The following CSMD1 variants were observed in gnomAD, a reference collection of about 807,000 sequenced individuals.
The protein encoded by CSMD1 is CUB and sushi domain-containing protein 1.
A neutral mutation model predicts 417.5 loss-of-function variants in CSMD1; 213 were observed. The observed-to-expected ratio is 0.51, with a 90% CI of 0.46 to 0.57. CSMD1 has a LOEUF of 0.57. Ranked by LOEUF, CSMD1 falls within the 20% of genes least tolerant of loss-of-function variation. CSMD1 has a pLI of 0.00. For synonymous variants in CSMD1, 2,862 were observed against 1,736.8 expected (o/e 1.65, Z -16.11); for missense variants, 6,923 against 4,529.7 (o/e 1.53, Z -15.17).
chr8:3,999,881 C>A lies in CSMD1; in HGVS notation c.611-1771G>T, dbSNP rs569566296. On this transcript the variant is annotated intron_variant, in intron 4 of 69. Coordinates refer to ENST00000635120, the MANE Select transcript of CSMD1 (RefSeq NM_033225.6). ...GCACGTGACGTTGTGGAAAGGGCTG[C>A]CCATGTTTTGTAGGACATCTCAGGA... Among the ~76,000 whole-genome samples, 26 of 152,224 alleles carry A rather than the reference C, an allele frequency of 1.7e-4. No individual in the cohort carries two copies. The South Asian group carries it at 4.6e-3, about 27-fold the overall frequency.
Position 4,122,142 on chromosome 8 carries a change from T to C in CSMD1, c.416-90043A>G, listed in dbSNP as rs75954642. Among the ~76,000 whole-genome samples, 251 of 152,256 alleles carry C rather than the reference T, an allele frequency of 1.6e-3. 2 individuals carry two copies. Among genetic ancestry groups the C allele is most frequent in the Non-Finnish European group, 8.2e-4 (56 of 68,018 alleles). On this transcript the variant is annotated intron_variant, in intron 3 of 69. Coordinates refer to ENST00000635120, the MANE Select transcript of CSMD1 (RefSeq NM_033225.6). ...TATCAGAGATACTTACTACATAATG[T>C]CGCTAAGTTATTTTCCTGACAGACT...
intron 1 of CSMD1, among the ~76,000 whole-genome samples, chr8:4,898,586 A>C (rs1299433999): frequency 2.6e-5 from 4 of 152,138 alleles, no homozygotes; most frequent in African/African-American, 9.7e-5. Flanking sequence ...ATCATATCCT[A>C]GTTCTTTGAA....
At chr8:3,499,106 A>ATTTCTCCT (rs1462828475) in intron 10 of CSMD1, among the ~76,000 whole-genome samples, 1 of 152,228 alleles carries the variant, frequency 6.6e-6, no homozygotes, top group African/African-American at 2.4e-5. Flanking sequence ...TACATCTGAC[A>ATTTCTCCT]AAACAATTTC....
At chr8:4,146,853 G>GC (rs1804167252) in intron 3 of CSMD1, among the ~76,000 whole-genome samples, 1 of 148,374 alleles carries the variant, frequency 6.7e-6, no homozygotes, top group Non-Finnish European at 1.5e-5. Context: ...CTCGTGATCC[G>GC]CCCGCCTCAG....
chr8:4,022,960 G>A (rs539760354), intron 4 of CSMD1, among the ~76,000 whole-genome samples: 1 of 152,200 alleles, frequency 6.6e-6, no homozygotes, highest in African/African-American at 2.4e-5. Context: ...TTCAAAATTT[G>A]AGGGCAAATA....
rs550270421 is a variant in CSMD1 at position 3,963,783 on chromosome 8, A to C, written c.818+34120T>G. Among the ~76,000 whole-genome samples, 7 of 152,334 alleles carry C rather than the reference A, an allele frequency of 4.6e-5. No homozygotes were observed. In the South Asian group the frequency reaches 1.2e-3, roughly 27 times the overall value. On this transcript the variant is annotated intron_variant, in intron 5 of 69. Coordinates refer to ENST00000635120, the MANE Select transcript of CSMD1 (RefSeq NM_033225.6). ...TAGTATAGTATATGTATAGCAACCT[A>C]AGTCAGACAGAAACTTAATATTTTG...
intron 1 of CSMD1, among the ~76,000 whole-genome samples, chr8:4,752,824 G>A (rs1811418860): frequency 6.6e-6 from 1 of 152,092 alleles, no homozygotes; most frequent in Non-Finnish European, 1.5e-5. Flanking sequence ...GAAGGATGGA[G>A]GCAAAGTTCC....
At chr8:4,095,637 G>C (rs1181754821) in intron 3 of CSMD1, among the ~76,000 whole-genome samples, 1 of 152,162 alleles carries the variant, frequency 6.6e-6, no homozygotes, top group South Asian at 2.1e-4. Context: ...TGTTATAGAA[G>C]AGAAAACATC....
intron 2 of CSMD1, among the ~76,000 whole-genome samples, chr8:4,635,068 C>G (rs1394657216): frequency 6.6e-6 from 1 of 152,080 alleles, no homozygotes; most frequent in Non-Finnish European, 1.5e-5. Context: ...GGACAATAAA[C>G]AAGTAGAAAT....
chr8:4,723,077 G>A (rs899276330), intron 1 of CSMD1, among the ~76,000 whole-genome samples: 9 of 152,120 alleles, frequency 5.9e-5, no homozygotes, highest in Non-Finnish European at 1.2e-4. Context: ...GTGAATAGAG[G>A]TCAGCTTTCT....
chr8:3,611,337 G>A (rs1328250846), intron 8 of CSMD1, among the ~76,000 whole-genome samples: 1 of 152,056 alleles, frequency 6.6e-6, no homozygotes, highest in African/African-American at 2.4e-5. Flanking sequence ...TGTCTCTAGG[G>A]CTTGGTGAAG....
At chr8:4,755,925 T>C (rs1563303376) in intron 1 of CSMD1, among the ~76,000 whole-genome samples, 1 of 152,240 alleles carries the variant, frequency 6.6e-6, no homozygotes, top group Non-Finnish European at 1.5e-5. Flanking sequence ...CAGTGAACTC[T>C]ACACATTACC....
At chr8:3,628,347 A>G (rs1212266722) in intron 7 of CSMD1, among the ~76,000 whole-genome samples, 1 of 152,152 alleles carries the variant, frequency 6.6e-6, no homozygotes, top group Non-Finnish European at 1.5e-5. Flanking sequence ...ACACCGGCCG[A>G]GGGTGACCTC....
chr8:3,156,139 G>A (rs544844695), intron 39 of CSMD1, among the ~76,000 whole-genome samples: 10 of 152,256 alleles, frequency 6.6e-5, no homozygotes, highest in African/African-American at 2.4e-4. Context: ...GCTATTCTGT[G>A]GCCTTTAAAA....
chr8:4,581,264 T>C (rs182289209), intron 2 of CSMD1, among the ~76,000 whole-genome samples: 149 of 152,332 alleles, frequency 9.8e-4, no homozygotes, highest in African/African-American at 3.5e-3. Flanking sequence ...TTTCAAAATG[T>C]TTATTTCATG....
chr8:3,215,367 T>C (rs539944136), intron 29 of CSMD1, among the ~76,000 whole-genome samples: 1 of 152,360 alleles, frequency 6.6e-6, no homozygotes, highest in Non-Finnish European at 1.5e-5. Flanking sequence ...CCAATAGTTC[T>C]ACCTTAGTTA....
chr8:4,079,777 G>T (rs149803711), intron 3 of CSMD1, among the ~76,000 whole-genome samples: 2 of 152,032 alleles, frequency 1.3e-5, no homozygotes, highest in African/African-American at 4.8e-5. Flanking sequence ...AATAACCCAT[G>T]TTCTCTTTTC....
intron 4 of CSMD1, among the ~76,000 whole-genome samples, chr8:4,012,431 TTAAC>T (rs2130443683): frequency 6.6e-6 from 1 of 152,330 alleles, no homozygotes; most frequent in South Asian, 2.1e-4. Context: ...TGTTTTATTC[TTAAC>T]TTTTATTTTT....
chr8:4,088,868 T>C (rs1585289077), intron 3 of CSMD1, among the ~76,000 whole-genome samples: 1 of 152,284 alleles, frequency 6.6e-6, no homozygotes, highest in East Asian at 1.9e-4. Flanking sequence ...ATGACACCGC[T>C]GTGTTCCACC....
Sources: gnomAD v4.1 joint callset for allele counts (sites outside exome capture counted in the v4.1 genomes callset) on GRCh38, gnomAD v4.1.1 for gene constraint, MANE v1.5 for transcripts, NCBI Gene and HGNC (gene_info 2026-07-23, HGNC 2026-07-21) for gene names.